SLIT2: variants seen among roughly 807,000 people sequenced by gnomAD.
The protein encoded by SLIT2 is slit homolog 2 protein.
In SLIT2, 41 loss-of-function variants were observed where a neutral mutation model predicts 185.7. The ratio of observed to expected loss-of-function variants is 0.22; its 90% CI spans 0.17 to 0.29. The LOEUF (loss-of-function observed/expected upper bound fraction) is 0.29. Ranked by LOEUF, SLIT2 falls within the 10% of genes least tolerant of loss-of-function variation. The pLI is 1.00. For synonymous variants in SLIT2, 693 were observed against 680.2 expected (o/e 1.02, Z -0.29); for missense variants, 1,571 against 1,909.0 (o/e 0.82, Z 3.30).
chr4:20,511,713 C>T (rs955669897), intron 11 of SLIT2, among the ~76,000 whole-genome samples: 3 of 150,942 alleles, frequency 2.0e-5, no homozygotes. Context: ...CAGGCATGAG[C>T]CACCGTGCCC....
At position 20,253,911 on chromosome 4, in the gene SLIT2, C is replaced by T. The variant is rs371161759; in HGVS notation, c.96C>T (p.Cys32=). The T allele has an allele frequency of 1.9e-6, 3 of 1,602,122 alleles. No homozygotes were observed. In the African/African-American group the frequency reaches 4.0e-5, roughly 21 times the overall value. ...CACCGCAGGCGTGCCCGGCGCAGTG[C>T]TCTTGCTCGGGCAGCACAGTGGACT... ...KVAPQACPAQ[C]SCSGSTVDCH... is the part of the protein sequence containing the mutation. The change falls in exon 1 of 37, where the codon TGC becomes TGT. Residue 32 remains cysteine (C), a synonymous_variant. Coordinates refer to ENST00000504154, the MANE Select transcript of SLIT2 (RefSeq NM_004787.4).
At chr4:20,494,550 G>T (rs1018760917) in intron 9 of SLIT2, among the ~76,000 whole-genome samples, 9 of 152,118 alleles carry the variant, frequency 5.9e-5, no homozygotes, top group African/African-American at 2.2e-4. Flanking sequence ...GCCGAGGCAG[G>T]CAGATCATGA....
chr4:20,546,154 T>C (rs570740929), intron 22 of SLIT2, 55 bp downstream of exon 22: 1 of 951,108 alleles, frequency 1.1e-6, no homozygotes, highest in East Asian at 2.5e-5. Flanking sequence ...AAAATGGGGA[T>C]GGCAAGGGAC....
At chr4:20,482,118 G>A (rs1190790330) in intron 6 of SLIT2, among the ~76,000 whole-genome samples, 1 of 151,894 alleles carries the variant, frequency 6.6e-6, no homozygotes, top group East Asian at 1.9e-4. Flanking sequence ...CACAGTAGTG[G>A]TTTCATGGCA....
chr4:20,443,478 T>A (rs1033263599), intron 4 of SLIT2, among the ~76,000 whole-genome samples: 2 of 151,602 alleles, frequency 1.3e-5, no homozygotes, highest in Non-Finnish European at 2.9e-5. Flanking sequence ...AGATAACTTT[T>A]AGCTCAGGGC....
intron 15 of SLIT2, among the ~76,000 whole-genome samples, chr4:20,526,360 A>T (rs1266272232): frequency 2.6e-5 from 4 of 152,248 alleles, no homozygotes; most frequent in African/African-American, 9.6e-5. Context: ...AGAACAGTTG[A>T]TTGGCCTTCA....
At chr4:20,343,802 TA>T (rs34514669) in intron 4 of SLIT2, among the ~76,000 whole-genome samples, 5,755 of 130,584 alleles carry the variant, frequency 0.044, 144 homozygotes, top group Middle Eastern at 0.13. Flanking sequence ...TCCTTAAAAC[TA>T]AAAAAAAAAA....
rs111281366 is a variant in SLIT2, at chr4:20,524,191, G to C, written c.1438+14G>C. 19 of 1,613,014 alleles carry C rather than the reference G, an allele frequency of 1.2e-5. No individual in the cohort carries two copies. The highest frequency in any genetic ancestry group is 2.7e-5 in the African/African-American group (2 of 74,918). On this transcript the variant is annotated intron_variant, in intron 14 of 36. Transcript: ENST00000504154. ...TCCGTTGTTCAGGTAATTTCTTCAC[G>C]TGTTATTTCCCCTGTGACCAACAAC...
intron 10 of SLIT2, 46 bp from the exon 11 acceptor site, chr4:20,511,020 C>A (rs1719653304): frequency 8.2e-7 from 1 of 1,215,684 alleles, no homozygotes; most frequent in East Asian, 2.3e-5. Context: ...CAGTAAATCT[C>A]ACTGACATTT....
At chr4:20,339,313 T>C (rs927492020) in intron 4 of SLIT2, among the ~76,000 whole-genome samples, 17 of 152,082 alleles carry the variant, frequency 1.1e-4, no homozygotes, top group Non-Finnish European at 2.1e-4. Flanking sequence ...CTTGGTCACA[T>C]ATATTTGTTA....
chr4:20,490,662 C>A, intron 8 of SLIT2: 1 of 602,792 alleles, frequency 1.7e-6, no homozygotes, highest in Non-Finnish European at 2.9e-6. Context: ...TGTTTTATAA[C>A]CTAAGAAAAA....
At position 20,434,213 on chromosome 4, in the gene SLIT2, C is replaced by T. The variant is rs539084760; in HGVS notation, c.396-33539C>T. Among the ~76,000 whole-genome samples, 438 of 152,078 alleles carry T rather than the reference C, an allele frequency of 2.9e-3. 6 individuals carry two copies. Among genetic ancestry groups the T allele is most frequent in the African/African-American group, 0.01 (416 of 41,496 alleles). ...TACGAAAATGGGGAAGGAGGCTGGG[C>T]GTGGAGGCTCACACCTGTAATCCCA... On this transcript the variant is annotated intron_variant, in intron 4 of 36. Transcript: ENST00000504154.
chr4:20,527,806 G>T (rs2148855541), intron 15 of SLIT2, among the ~76,000 whole-genome samples: 1 of 152,018 alleles, frequency 6.6e-6, no homozygotes, highest in African/African-American at 2.4e-5. Flanking sequence ...ATCTTAATTG[G>T]GATTACTCTT....
chr4:20,594,196 TATG>T (rs1727769164), intron 30 of SLIT2, among the ~76,000 whole-genome samples: 1 of 149,852 alleles, frequency 6.7e-6, no homozygotes, highest in South Asian at 2.1e-4. Context: ...TGTATATACA[TATG>T]TATGTATGTG....
intron 4 of SLIT2, among the ~76,000 whole-genome samples, chr4:20,435,101 GT>G (rs1729260344): frequency 6.6e-6 from 1 of 152,144 alleles, no homozygotes; most frequent in Admixed American, 6.5e-5. Context: ...TCATAAAAAT[GT>G]TTGGCAACAT....
intron 34 of SLIT2, among the ~76,000 whole-genome samples, chr4:20,611,395 A>G (rs916680687): frequency 6.6e-6 from 1 of 152,232 alleles, no homozygotes; most frequent in African/African-American, 2.4e-5. Flanking sequence ...AGTACTTACC[A>G]CATACTAGGA....
At chr4:20,597,073 T>G (rs1466742272) in intron 32 of SLIT2, among the ~76,000 whole-genome samples, 11 of 150,846 alleles carry the variant, frequency 7.3e-5, no homozygotes, top group Non-Finnish European at 1.3e-4. Flanking sequence ...TTGTTGTTTT[T>G]TTTTTTTTTT....
intron 4 of SLIT2, among the ~76,000 whole-genome samples, chr4:20,334,638 T>C (rs1349828487): frequency 6.6e-6 from 1 of 152,104 alleles, no homozygotes; most frequent in Non-Finnish European, 1.5e-5. Context: ...TCATTGTAAC[T>C]CCCTGAGGTA....
At chr4:20,556,276 A>T (rs1438853906) in intron 26 of SLIT2, among the ~76,000 whole-genome samples, 1 of 151,998 alleles carries the variant, frequency 6.6e-6, no homozygotes, top group Non-Finnish European at 1.5e-5. Flanking sequence ...GAGGAAAGGA[A>T]GGTGAAACTG....
Sources: allele counts gnomAD v4.1 joint callset (sites outside exome capture counted in the v4.1 genomes callset), GRCh38; gene constraint gnomAD v4.1.1; transcripts MANE v1.5; gene names NCBI Gene and HGNC (gene_info 2026-07-23, HGNC 2026-07-21).